Variants in GPR176 observed in about 807,000 individuals in gnomAD.
GPR176 encodes the protein G-protein coupled receptor 176.
A neutral mutation model predicts 35.4 loss-of-function variants in GPR176; 26 were observed. That is an observed-to-expected ratio of 0.74 (90% CI 0.54 to 1.02). The LOEUF is 1.02. Ranked by LOEUF, GPR176 falls within the 50% of genes least tolerant of loss-of-function variation. GPR176 has a pLI of 0.00. For synonymous variants in GPR176, 278 were observed against 271.3 expected (o/e 1.02, Z -0.24); for missense variants, 597 against 665.3 (o/e 0.90, Z 1.13).
chr15:39,849,983 AG>A (rs903239401), intron 1 of GPR176, among the ~76,000 whole-genome samples: 3 of 146,116 alleles, frequency 2.1e-5, no homozygotes, highest in Non-Finnish European at 4.5e-5. Context: ...GAATACTGAA[AG>A]GCAATTGTAA....
Position 39,829,764 on chromosome 15 carries a change from G to A in GPR176, c.173-22506C>T, listed in dbSNP as rs533259127. The stretch of plus-strand genomic sequence containing the variant: ...CTCCTTTCCAAGCTGGGAAATTGGA[G>A]GAAGCCTGTCCCAAACAGGACAGCC... On this transcript the variant is annotated intron_variant, in intron 1 of 2. Transcript: ENST00000561100. Among the ~76,000 whole-genome samples the A allele has an allele frequency of 7.2e-5, 11 of 152,214 alleles. No homozygotes were observed. In the South Asian group the frequency reaches 2.1e-3, roughly 29 times the overall value.
chr15:39,845,651 C>A (rs902778542), intron 1 of GPR176, among the ~76,000 whole-genome samples: 1 of 151,926 alleles, frequency 6.6e-6, no homozygotes, highest in African/African-American at 2.4e-5. Flanking sequence ...GGGCGAAAAC[C>A]CTGCTGCAGG....
At chr15:39,915,504 G>A (rs961348581) in intron 1 of GPR176, among the ~76,000 whole-genome samples, 1 of 152,168 alleles carries the variant, frequency 6.6e-6, no homozygotes, top group Non-Finnish European at 1.5e-5. Flanking sequence ...AAAGGAAAGG[G>A]AATATAGCTT....
intron 1 of GPR176, among the ~76,000 whole-genome samples, chr15:39,911,555 TAAC>T (rs2033577589): frequency 6.6e-6 from 1 of 152,188 alleles, no homozygotes; most frequent in Non-Finnish European, 1.5e-5. Context: ...AAAACAATAG[TAAC>T]AACAACAAAT....
chr15:39,833,915 T>C lies in GPR176; in HGVS notation c.173-26657A>G, dbSNP rs530311742. ...AGAGGAAGCCGACATTGCTCCCCTA[T>C]TGAGATGTGCCTCCTGCTCCCCAGG... On this transcript the variant is annotated intron_variant, in intron 1 of 2. Transcript: ENST00000561100. 1.8e-4 allele frequency among the ~76,000 whole-genome samples: 27 copies of C among 152,244 alleles called. 1 individual carries two copies. The East Asian group carries it at 4.8e-3, about 27-fold the overall frequency.
chr15:39,906,824 T>C (rs1260226530), intron 1 of GPR176, among the ~76,000 whole-genome samples: 1 of 152,238 alleles, frequency 6.6e-6, no homozygotes, highest in Non-Finnish European at 1.5e-5. Context: ...TCATCCTATG[T>C]AACTGTCCCC....
chr15:39,892,160 T>C (rs1022049824), intron 1 of GPR176, among the ~76,000 whole-genome samples: 1 of 152,146 alleles, frequency 6.6e-6, no homozygotes, highest in Non-Finnish European at 1.5e-5. Flanking sequence ...AAGACTTACT[T>C]AGATGAAGAA....
intron 1 of GPR176, among the ~76,000 whole-genome samples, chr15:39,900,889 A>G (rs557208073): frequency 6.6e-6 from 1 of 152,366 alleles, no homozygotes; most frequent in African/African-American, 2.4e-5. Context: ...AGAAAAAAAG[A>G]AAGCTTCAGA....
chr15:39,894,711 G>A (rs867423256), intron 1 of GPR176, among the ~76,000 whole-genome samples: 2,184 of 152,016 alleles, frequency 0.014, 47 homozygotes, highest in African/African-American at 0.051. Flanking sequence ...TGGCGGCCGG[G>A]CGGAGACGCT....
rs368085990 is a variant in GPR176, at chr15:39,801,764, C to T, written c.916G>A (p.Val306Ile). 2.4e-5 allele frequency: 39 copies of T among 1,613,988 alleles called. No homozygotes were observed. The South Asian group carries it at 3.7e-4, about 15-fold the overall frequency. The stretch of plus-strand genomic sequence containing the variant: ...AGCAGGGAGACTTTGGGCAGCCAAA[C>T]AGCAGTGAGCAGCAAGAAGACGGAA... ...DTSVFLLLTA[V>I]WLPKVSLLAN... Residue 306 changes from valine (V) to isoleucine (I), a missense_variant, in exon 3 of 3, where the codon GTT becomes ATT. Around this residue, in one of 3 missense-constraint regions of GPR176, gnomAD observed 220 missense variants for 297.6 expected, o/e 0.74. Transcript: ENST00000561100.
intron 1 of GPR176, chr15:39,910,008 A>G (rs371394568): frequency 2.1e-5 from 6 of 285,982 alleles, no homozygotes; most frequent in East Asian, 1.7e-4. Flanking sequence ...GTTGTCTGCA[A>G]CTAAGAACGC....
chr15:39,854,066 G>C (rs1045258650), intron 1 of GPR176, among the ~76,000 whole-genome samples: 2 of 151,976 alleles, frequency 1.3e-5, no homozygotes, highest in Admixed American at 1.3e-4. Context: ...TTTGCCACCA[G>C]GAAACTATTG....
At chr15:39,854,464 A>T (rs2031075043) in intron 1 of GPR176, among the ~76,000 whole-genome samples, 1 of 152,196 alleles carries the variant, frequency 6.6e-6, no homozygotes, top group Non-Finnish European at 1.5e-5. Context: ...TAAGACTTCT[A>T]TGAATCATGT....
At position 39,850,599 on chromosome 15, in the gene GPR176, G is replaced by T. The variant is rs561632918; in HGVS notation, c.173-43341C>A. 5.9e-5 allele frequency among the ~76,000 whole-genome samples: 9 copies of T among 152,192 alleles called. No homozygotes were observed. The South Asian group carries it at 1.9e-3, about 32-fold the overall frequency. On this transcript the variant is annotated intron_variant, in intron 1 of 2. Coordinates refer to ENST00000561100, the MANE Select transcript of GPR176 (RefSeq NM_007223.3). ...GTAGTGTGGAAGGGAAGTAGGTGTGGTTATAAAAGGGCAACAGAAGGCTCC... is the reference window on the plus strand; with the variant it reads ...GTAGTGTGGAAGGGAAGTAGGTGTGTTTATAAAAGGGCAACAGAAGGCTCC...
intron 1 of GPR176, among the ~76,000 whole-genome samples, chr15:39,906,873 A>G (rs1239347000): frequency 1.3e-5 from 2 of 152,244 alleles, no homozygotes; most frequent in Admixed American, 6.5e-5. Context: ...ATTGAGCACA[A>G]ACTATGCACC....
rs550030670 is a variant in GPR176 at position 39,829,113 on chromosome 15, G to A, written c.173-21855C>T. 33 of 1,339,084 alleles carry A rather than the reference G, an allele frequency of 2.5e-5. 1 individual carries two copies. The South Asian group carries it at 4.1e-4, about 17-fold the overall frequency. The allele number at this position is 1,339,084 out of a possible 1,614,324, so 83.0% of individuals were successfully genotyped here. ...TCTAGAAATAAGAAGCAGTGGAGCT[G>A]GCATTCAGACAGAAGCAGTTGAACT... On this transcript the variant is annotated intron_variant, in intron 1 of 2. Transcript: ENST00000561100.
At chr15:39,903,874 T>C (rs1177723331) in intron 1 of GPR176, among the ~76,000 whole-genome samples, 1 of 152,030 alleles carries the variant, frequency 6.6e-6, no homozygotes, top group African/African-American at 2.4e-5. Context: ...TCCCATAGGG[T>C]GAAGTGAAAG....
intron 1 of GPR176, among the ~76,000 whole-genome samples, chr15:39,855,520 A>C (rs1222561526): frequency 6.6e-6 from 1 of 152,192 alleles, no homozygotes; most frequent in African/African-American, 2.4e-5. Flanking sequence ...TCCTGTGGGA[A>C]GAGTGGAGCC....
chr15:39,876,804 C>T (rs2032264796), intron 1 of GPR176, among the ~76,000 whole-genome samples: 1 of 151,204 alleles, frequency 6.6e-6, no homozygotes, highest in African/African-American at 2.4e-5. Flanking sequence ...ACTCCAGAGC[C>T]AGACCCTGTT....
Sources: allele counts gnomAD v4.1 joint callset (sites outside exome capture counted in the v4.1 genomes callset), GRCh38; gene constraint gnomAD v4.1.1; regional missense constraint gnomAD v4.1.1; transcripts MANE v1.5; gene names NCBI Gene and HGNC (gene_info 2026-07-23, HGNC 2026-07-21).